The following RALGPS1 variants were observed in gnomAD, a reference collection of about 807,000 sequenced individuals.
RALGPS1 encodes the protein ras-specific guanine nucleotide-releasing factor RalGPS1.
A neutral mutation model predicts 78.8 loss-of-function variants in RALGPS1; 19 were observed. The observed-to-expected ratio is 0.24, with a 90% confidence interval of 0.17 to 0.35. RALGPS1 has a LOEUF of 0.35. Ranked by LOEUF, RALGPS1 falls within the 10% of genes least tolerant of loss-of-function variation. RALGPS1 has a pLI of 1.00. For missense variants in RALGPS1, 454 were observed against 688.3 expected, an observed-to-expected ratio of 0.66 and a Z score of 3.81; for synonymous variants, 228 against 256.3, an observed-to-expected ratio of 0.89 and a Z score of 1.06.
intron 14 of RALGPS1, among the ~76,000 whole-genome samples, chr9:127,200,753 ACT>A (rs2061589832): frequency 6.6e-6 from 1 of 152,080 alleles, no homozygotes; most frequent in African/African-American, 2.4e-5. Context: ...AGACTCTAGA[ACT>A]CTCAGCATCA....
chr9:127,037,624 C>A (rs541221808), intron 5 of RALGPS1, among the ~76,000 whole-genome samples: 1 of 152,374 alleles, frequency 6.6e-6, no homozygotes, highest in East Asian at 1.9e-4. Flanking sequence ...CCTCCAGGTT[C>A]TGCTTTCCTC....
intron 8 of RALGPS1, among the ~76,000 whole-genome samples, chr9:127,127,739 C>T (rs773554727): frequency 3.3e-5 from 5 of 152,024 alleles, no homozygotes; most frequent in Non-Finnish European, 7.4e-5. Flanking sequence ...TTCTATTTTA[C>T]TAACAAAAAG....
At chr9:127,088,962 G>A in intron 8 of RALGPS1, 1 of 1,614,218 alleles carries the variant, frequency 6.2e-7, no homozygotes, top group Non-Finnish European at 8.5e-7. Flanking sequence ...TTGGGGTTCG[G>A]TCGGATCATC....
chr9:127,045,738 C>T (rs2047694785), intron 5 of RALGPS1, among the ~76,000 whole-genome samples: 1 of 90,104 alleles, frequency 1.1e-5, no homozygotes, highest in Non-Finnish European at 2.3e-5. Flanking sequence ...AGTACACACA[C>T]ACACACACAC....
intron 4 of RALGPS1, among the ~76,000 whole-genome samples, chr9:126,986,370 G>T (rs773540740): frequency 1.3e-5 from 2 of 152,170 alleles, no homozygotes; most frequent in Non-Finnish European, 2.9e-5. Context: ...TTGTGGCCTA[G>T]AACCCCATTG....
At chr9:126,961,672 T>C (rs1423311556) in intron 1 of RALGPS1, among the ~76,000 whole-genome samples, 1 of 152,138 alleles carries the variant, frequency 6.6e-6, no homozygotes, top group Admixed American at 6.6e-5. Context: ...GGCACATGCC[T>C]GTAGTCCCAG....
chr9:126,922,758 AGAGT>A (rs1354042060), intron 1 of RALGPS1, among the ~76,000 whole-genome samples: 1 of 152,344 alleles, frequency 6.6e-6, no homozygotes, highest in African/African-American at 2.4e-5. Flanking sequence ...TAGACTTTAC[AGAGT>A]GAGAGTCCAC....
intron 10 of RALGPS1, among the ~76,000 whole-genome samples, chr9:127,174,036 C>A (rs1182502158): frequency 6.6e-6 from 1 of 151,816 alleles, no homozygotes; most frequent in African/African-American, 2.4e-5. Context: ...CCGAGGCGGG[C>A]AGATCATAAG....
intron 4 of RALGPS1, among the ~76,000 whole-genome samples, chr9:127,012,385 C>G (rs2044425666): frequency 6.6e-6 from 1 of 152,172 alleles, no homozygotes; most frequent in Non-Finnish European, 1.5e-5. Flanking sequence ...TACCATCTCC[C>G]CCTGAGCCTG....
intron 7 of RALGPS1, among the ~76,000 whole-genome samples, chr9:127,067,106 C>G (rs1440537196): frequency 1.3e-5 from 2 of 152,104 alleles, no homozygotes; most frequent in Non-Finnish European, 2.9e-5. Context: ...GGTAAAAGTC[C>G]TTGCTCCATT....
At chr9:127,036,135 A>T (rs557535168) in intron 5 of RALGPS1, among the ~76,000 whole-genome samples, 2 of 152,194 alleles carry the variant, frequency 1.3e-5, no homozygotes, top group Non-Finnish European at 2.9e-5. Flanking sequence ...AGACCAAGTG[A>T]TGAAATGAGC....
At chr9:127,047,367 C>T (rs2047893013) in intron 5 of RALGPS1, among the ~76,000 whole-genome samples, 1 of 152,022 alleles carries the variant, frequency 6.6e-6, no homozygotes, top group Non-Finnish European at 1.5e-5. Context: ...TTAATATACA[C>T]CAATTTAGTT....
chr9:126,950,940 AAG>A (rs2037754623), intron 1 of RALGPS1, among the ~76,000 whole-genome samples: 2 of 152,190 alleles, frequency 1.3e-5, no homozygotes, highest in South Asian at 2.1e-4. Context: ...TAAAGAAAAA[AAG>A]AGAGAAGAAT....
intron 8 of RALGPS1, among the ~76,000 whole-genome samples, chr9:127,138,137 T>C (rs1447958682): frequency 6.6e-6 from 1 of 152,154 alleles, no homozygotes; most frequent in Non-Finnish European, 1.5e-5. Context: ...TGAGGAGGCC[T>C]CCCCGGGTAG....
chr9:126,918,269 C>T (rs996198443), intron 1 of RALGPS1, among the ~76,000 whole-genome samples: 1 of 152,228 alleles, frequency 6.6e-6, no homozygotes, highest in Non-Finnish European at 1.5e-5. Flanking sequence ...CATAATTCTT[C>T]ATGGTTGCAA....
At chr9:126,924,150 A>C (rs1260986638) in intron 1 of RALGPS1, among the ~76,000 whole-genome samples, 1 of 152,222 alleles carries the variant, frequency 6.6e-6, no homozygotes. Context: ...GTCCATATGC[A>C]TGTAACAGTT....
chr9:127,060,407 G>C (rs1474413553), intron 7 of RALGPS1, among the ~76,000 whole-genome samples: 1 of 152,220 alleles, frequency 6.6e-6, no homozygotes, highest in African/African-American at 2.4e-5. Context: ...CACCTGGGTT[G>C]AGCCCTGGGC....
At chr9:127,203,922 T>C (rs1181902715) in intron 14 of RALGPS1, among the ~76,000 whole-genome samples, 2 of 152,208 alleles carry the variant, frequency 1.3e-5, no homozygotes, top group Admixed American at 6.5e-5. Context: ...GCTTGGTGTC[T>C]GTTAGAGTCT....
chr9:127,057,182 G>C (rs1490125974), intron 7 of RALGPS1, among the ~76,000 whole-genome samples: 1 of 152,180 alleles, frequency 6.6e-6, no homozygotes, highest in African/African-American at 2.4e-5. Context: ...AAGAACCTGT[G>C]AGAGAATCAG....
Sources: gnomAD v4.1 joint callset for allele counts (sites outside exome capture counted in the v4.1 genomes callset) on GRCh38, gnomAD v4.1.1 for gene constraint, MANE v1.5 for transcripts, NCBI Gene and HGNC (gene_info 2026-07-23, HGNC 2026-07-21) for gene names.